Variants in CUX1 observed in about 807,000 individuals in gnomAD.
CUX1 encodes protein CASP.
CUX1 carries 31 observed loss-of-function variants against 158.8 expected under a neutral mutation model. That is an observed-to-expected ratio of 0.20 (90% confidence interval 0.15 to 0.26). CUX1 has a LOEUF of 0.26. CUX1 is among the 10% of genes least tolerant of loss of function. CUX1 has a pLI of 1.00. For missense variants in CUX1, 1,589 were observed against 2,014.6 expected (o/e 0.79, Z 4.04); for synonymous variants, 879 against 862.1 (o/e 1.02, Z -0.34).
intron 2 of CUX1, among the ~76,000 whole-genome samples, chr7:101,965,170 A>T (rs941618178): frequency 4.6e-5 from 7 of 152,164 alleles, no homozygotes; most frequent in African/African-American, 1.7e-4. Flanking sequence ...ACAGCAACAT[A>T]TGAGTCGTGC....
chr7:101,817,359 C>T (rs1791964564), upstream of CUX1: 2 of 984,484 alleles, frequency 2.0e-6, no homozygotes, highest in Non-Finnish European at 2.4e-6. This position sits in a 1 kb window ranked among gnomAD's most constrained non-coding sequence, Gnocchi z 4.1. Context: ...GCGGCGGGTG[C>T]GCTCGGAGAT....
intron 14 of CUX1, among the ~76,000 whole-genome samples, chr7:102,265,172 A>G (rs1790709695): frequency 6.6e-6 from 1 of 152,120 alleles, no homozygotes. Flanking sequence ...CCTGGCCAAC[A>G]TGAAGAAACC....
intron 2 of CUX1, among the ~76,000 whole-genome samples, chr7:102,020,069 C>T (rs1819167937): frequency 6.6e-6 from 1 of 152,196 alleles, no homozygotes; most frequent in South Asian, 2.1e-4. Context: ...TCTAAATTGA[C>T]TGCTGATAAA....
Position 102,249,189 on chromosome 7 carries a change from C to T in CUX1, c.*147C>T. The T allele has an allele frequency of 8.8e-7, 1 of 1,130,140 alleles. No homozygotes were observed. The allele number at this position is 1,130,140 out of a possible 1,614,324, so 70.0% of individuals were successfully genotyped here. ...CCGGACCTGAGCCCGCAGCCCAGAC[C>T]CCCTCCACGGTCCGCGGCCTGCACC... On this transcript the variant is annotated 3_prime_UTR_variant, in exon 24 of 24. Transcript: ENST00000292535.
At position 101,899,346 on chromosome 7, in the gene CUX1, C is replaced by T. The variant is rs190947349; in HGVS notation, c.31-16769C>T. Among the ~76,000 whole-genome samples, 823 of 152,118 alleles carry T rather than the reference C, an allele frequency of 5.4e-3. 12 individuals carry two copies. Among genetic ancestry groups the T allele is most frequent in the African/African-American group, 0.018 (764 of 41,504 alleles). ...GGTGGATCACTTGAGGTCAGGAGTT[C>T]GAGACCAGCCTGGTCAACATGGCAA... On this transcript the variant is annotated intron_variant, in intron 1 of 23. Transcript: ENST00000292535.
chr7:102,135,301 A>C (rs1563292662), intron 8 of CUX1, among the ~76,000 whole-genome samples: 1 of 152,210 alleles, frequency 6.6e-6, no homozygotes, highest in Non-Finnish European at 1.5e-5. Context: ...AGAAAATGTT[A>C]AGAAATCCTA....
At chr7:101,862,878 A>C (rs530846109) in intron 1 of CUX1, among the ~76,000 whole-genome samples, 24 of 148,876 alleles carry the variant, frequency 1.6e-4, no homozygotes, top group Non-Finnish European at 1.2e-4. Flanking sequence ...TTTTTTTCAC[A>C]GCAATAATTG....
chr7:102,048,089 G>A (rs1204965590), intron 3 of CUX1, among the ~76,000 whole-genome samples: 1 of 152,092 alleles, frequency 6.6e-6, no homozygotes, highest in East Asian at 1.9e-4. Context: ...CCATGATGTC[G>A]CTCACCCTTC....
At chr7:102,153,429 C>T (rs1835909844) in intron 8 of CUX1, 1 of 152,378 alleles carries the variant, frequency 6.6e-6, no homozygotes, top group South Asian at 2.1e-4. Context: ...ACGCCTCCAG[C>T]TTTTCAGCTC....
chr7:101,836,780 G>A (rs777762787), intron 1 of CUX1, among the ~76,000 whole-genome samples: 3 of 151,658 alleles, frequency 2.0e-5, no homozygotes, highest in African/African-American at 4.9e-5. Flanking sequence ...GGGAGTGCCC[G>A]TTGTCTGCCT....
chr7:101,945,144 A>G (rs1808219336), intron 2 of CUX1, among the ~76,000 whole-genome samples: 1 of 152,106 alleles, frequency 6.6e-6, no homozygotes, highest in Admixed American at 6.5e-5. Flanking sequence ...GCGTGCTGGG[A>G]GTCAGGGGTG....
chr7:102,010,884 G>A (rs965751183), intron 2 of CUX1, among the ~76,000 whole-genome samples: 10 of 152,192 alleles, frequency 6.6e-5, no homozygotes, highest in Non-Finnish European at 1.5e-4. Flanking sequence ...GCCGAGGTGG[G>A]CGGATCACCT....
At chr7:101,981,769 C>A (rs1210400215) in intron 2 of CUX1, among the ~76,000 whole-genome samples, 13 of 152,254 alleles carry the variant, frequency 8.5e-5, no homozygotes, top group Admixed American at 7.9e-4. Context: ...CACCACCACG[C>A]CCAGCTAATG....
intron 8 of CUX1, among the ~76,000 whole-genome samples, chr7:102,156,730 G>C (rs1384255033): frequency 1.3e-5 from 2 of 152,206 alleles, no homozygotes; most frequent in Non-Finnish European, 2.9e-5. Context: ...GGCCTGTCCA[G>C]CACCCTGGGC....
intron 2 of CUX1, chr7:101,961,170 G>A (rs1810437124): frequency 6.6e-6 from 1 of 152,170 alleles, no homozygotes; most frequent in South Asian, 2.1e-4. Context: ...CATTCACCTG[G>A]ATATAGATTT....
intron 2 of CUX1, among the ~76,000 whole-genome samples, chr7:102,000,818 G>A (rs1816599100): frequency 6.6e-6 from 1 of 152,206 alleles, no homozygotes; most frequent in African/African-American, 2.4e-5. Context: ...CACCCAGGCT[G>A]GAGTGCAGTG....
At chr7:101,966,727 G>A (rs990632873) in intron 2 of CUX1, among the ~76,000 whole-genome samples, 11 of 152,148 alleles carry the variant, frequency 7.2e-5, no homozygotes, top group Non-Finnish European at 1.2e-4. Context: ...CATCAGAGGT[G>A]TGTGCTTCTT....
intron 1 of CUX1, among the ~76,000 whole-genome samples, chr7:101,819,329 CTG>C (rs1371608714): frequency 6.6e-6 from 1 of 152,224 alleles, no homozygotes. Context: ...TCATGGCACT[CTG>C]TATGTTAGTG....
At chr7:101,820,405 CACAG>C (rs2130892491) in intron 1 of CUX1, among the ~76,000 whole-genome samples, 1 of 152,320 alleles carries the variant, frequency 6.6e-6, no homozygotes, top group African/African-American at 2.4e-5. Flanking sequence ...ATGTAAATTT[CACAG>C]ACAGGTATAT....
Sources: allele counts gnomAD v4.1 joint callset (sites outside exome capture counted in the v4.1 genomes callset), GRCh38; gene constraint gnomAD v4.1.1; non-coding constraint Gnocchi (gnomAD v3.1); transcripts MANE v1.5; gene names NCBI Gene and HGNC (gene_info 2026-07-23, HGNC 2026-07-21).